ACBD6: variants seen among roughly 807,000 people sequenced by gnomAD.
ACBD6 encodes acyl-CoA binding domain containing 6.
Under a neutral mutation model 37.2 loss-of-function variants are expected in ACBD6, and 28 were observed. That is an observed-to-expected ratio of 0.75 (90% CI 0.56 to 1.03). The LOEUF is 1.03. Ranked by LOEUF, ACBD6 falls within the 50% of genes least tolerant of loss-of-function variation. The pLI is 0.00. For missense variants in ACBD6, 340 were observed against 337.4 expected (o/e 1.01, Z -0.06); for synonymous variants, 113 against 126.8 (o/e 0.89, Z 0.73).
intron 3 of ACBD6, among the ~76,000 whole-genome samples, chr1:180,457,967 A>AT (rs553301127): frequency 6.6e-5 from 10 of 151,418 alleles, no homozygotes; most frequent in South Asian, 4.2e-4. Context: ...TAAATTTTGT[A>AT]TTTTTTTTAG....
intron 6 of ACBD6, among the ~76,000 whole-genome samples, chr1:180,371,075 TATC>T (rs1653244579): frequency 6.6e-6 from 1 of 152,120 alleles, no homozygotes; most frequent in Non-Finnish European, 1.5e-5. Context: ...ACTGAAAATT[TATC>T]ATAGATCATT....
exon 14 of ACBD6, chr1:180,270,583 A>C (rs2278944): frequency 0.086 from 13,084 of 152,420 alleles, 589 homozygotes; most frequent in African/African-American, 0.11. Context: ...TTCACTCAAA[A>C]TCTGTCTAGG....
intron 7 of ACBD6, among the ~76,000 whole-genome samples, chr1:180,308,895 G>A (rs563979750): frequency 2.6e-4 from 39 of 152,316 alleles, no homozygotes; most frequent in African/African-American, 8.4e-4. Flanking sequence ...CCAGCAAATA[G>A]TAGGCATTCA....
chr1:180,444,092 A>C (rs1649390109), intron 3 of ACBD6, among the ~76,000 whole-genome samples: 1 of 152,076 alleles, frequency 6.6e-6, no homozygotes, highest in African/African-American at 2.4e-5. Context: ...ACAAACATTA[A>C]TTTTAAACCC....
At chr1:180,409,569 T>A (rs1294647120) in intron 5 of ACBD6, among the ~76,000 whole-genome samples, 1 of 152,284 alleles carries the variant, frequency 6.6e-6, no homozygotes, top group East Asian at 1.9e-4. Context: ...TATTATTATA[T>A]CTGTTAGGGT....
At chr1:180,411,068 G>C (rs1242585620) in intron 5 of ACBD6, among the ~76,000 whole-genome samples, 8 of 152,182 alleles carry the variant, frequency 5.3e-5, no homozygotes, top group African/African-American at 1.9e-4. Flanking sequence ...AAAGTTACTT[G>C]CAGATGTAAC....
chr1:180,482,202 TTATC>T (rs1158414174), intron 3 of ACBD6, among the ~76,000 whole-genome samples: 2 of 152,146 alleles, frequency 1.3e-5, no homozygotes, highest in Non-Finnish European at 2.9e-5. Context: ...AGGTATAAAT[TTATC>T]TATCTTTCAA....
intron 6 of ACBD6, among the ~76,000 whole-genome samples, chr1:180,335,199 C>A (rs1651652872): frequency 6.6e-6 from 1 of 152,080 alleles, no homozygotes; most frequent in African/African-American, 2.4e-5. Flanking sequence ...AACCCCAAGA[C>A]ACATAATTGT....
At chr1:180,364,578 T>C (rs1370803897) in intron 6 of ACBD6, among the ~76,000 whole-genome samples, 1 of 152,226 alleles carries the variant, frequency 6.6e-6, no homozygotes, top group Admixed American at 6.5e-5. Flanking sequence ...GAGAAATTTC[T>C]AATAATTAGC....
At chr1:180,312,346 A>C (rs1040264549) in intron 7 of ACBD6, among the ~76,000 whole-genome samples, 19 of 152,058 alleles carry the variant, frequency 1.2e-4, no homozygotes, top group Non-Finnish European at 2.4e-4. Flanking sequence ...TATTGGAAAA[A>C]TGTTTTAAAT....
In ACBD6 at chr1:180,501,921, A is replaced by C. The variant is rs1265797970; in HGVS notation, c.222+124T>G. 81 of 959,162 alleles carry C rather than the reference A, an allele frequency of 8.4e-5. No individual in the cohort carries two copies. In the Admixed American group the frequency reaches 1.3e-3, roughly 16 times the overall value. 59.4% of individuals were successfully genotyped at this position (959,162 alleles called of 1,614,324 possible). A position where few individuals can be genotyped will look rare whatever the true frequency, so the allele number is the denominator to read the frequency against. Reference sequence around the variant, plus strand: ...GCAGATGGTCAAAAAAAAAAAAACAAAACAAAATACACATACACAAGCTTC... The same window carrying C: ...GCAGATGGTCAAAAAAAAAAAAACACAACAAAATACACATACACAAGCTTC... On this transcript the variant is annotated intron_variant, in intron 1 of 7. Coordinates refer to ENST00000367595, the MANE Select transcript of ACBD6 (RefSeq NM_032360.4).
intron 7 of ACBD6, among the ~76,000 whole-genome samples, chr1:180,304,136 T>C (rs200809188): frequency 4.5e-4 from 68 of 150,464 alleles, no homozygotes; most frequent in East Asian, 3.1e-3. Flanking sequence ...TATGACAAAC[T>C]CACAGCCAAT....
intron 1 of ACBD6, among the ~76,000 whole-genome samples, chr1:180,497,062 C>A (rs1651768779): frequency 6.6e-6 from 1 of 152,180 alleles, no homozygotes; most frequent in African/African-American, 2.4e-5. Flanking sequence ...AGAGTCTGGG[C>A]TTCAATTCTG....
At chr1:180,336,895 A>G (rs201828450) in intron 6 of ACBD6, among the ~76,000 whole-genome samples, 5,513 of 152,312 alleles carry the variant, frequency 0.036, 281 homozygotes, top group African/African-American at 0.1. Context: ...CAAATAAACT[A>G]GAAAATCTAG....
intron 4 of ACBD6, among the ~76,000 whole-genome samples, chr1:180,427,739 T>C (rs1259303682): frequency 6.6e-6 from 1 of 151,980 alleles, no homozygotes; most frequent in Admixed American, 6.6e-5. Flanking sequence ...CTGGCTAATA[T>C]GGTGAAACCC....
intron 3 of ACBD6, among the ~76,000 whole-genome samples, chr1:180,482,694 T>C (rs1651100392): frequency 6.6e-6 from 1 of 152,156 alleles, no homozygotes. Context: ...AGAAGTGGAA[T>C]TGCAGAAACT....
At chr1:180,373,463 T>C (rs1425972534) in intron 6 of ACBD6, among the ~76,000 whole-genome samples, 2 of 152,180 alleles carry the variant, frequency 1.3e-5, no homozygotes, top group African/African-American at 4.8e-5. Context: ...TAAATGCACT[T>C]TTCCTATAGC....
chr1:180,422,843 G>A (rs980096570), intron 4 of ACBD6, among the ~76,000 whole-genome samples: 1 of 152,222 alleles, frequency 6.6e-6, no homozygotes, highest in Admixed American at 6.5e-5. Context: ...GGCATTTTAA[G>A]TGGATACTAG....
In ACBD6 at chr1:180,326,235, A is replaced by G. The variant is rs376277607; in HGVS notation, c.664-11513T>C. Among the ~76,000 whole-genome samples, 185 of 152,302 alleles carry G rather than the reference A, an allele frequency of 1.2e-3. 1 individual carries two copies. The highest frequency in any genetic ancestry group is 2.3e-3 in the Non-Finnish European group (155 of 68,008). On this transcript the variant is annotated intron_variant, in intron 6 of 7. Coordinates refer to ENST00000367595, the MANE Select transcript of ACBD6 (RefSeq NM_032360.4). ...CTGAGGCTAAGCTGGCCCTAAAACC[A>G]TAAGACAAGTCAGTCCTTCCCTCCC...
Sources: gnomAD v4.1 joint callset for allele counts (sites outside exome capture counted in the v4.1 genomes callset) on GRCh38, gnomAD v4.1.1 for gene constraint, MANE v1.5 for transcripts, NCBI Gene and HGNC (gene_info 2026-07-23, HGNC 2026-07-21) for gene names.